TRHDE: variants seen among roughly 807,000 people sequenced by gnomAD.
TRHDE encodes the protein thyrotropin-releasing hormone-degrading ectoenzyme.
A neutral mutation model predicts 125.7 loss-of-function variants in TRHDE; 72 were observed. The ratio of observed to expected loss-of-function variants is 0.57; its 90% CI spans 0.47 to 0.70. TRHDE has a LOEUF of 0.70. Ranked by LOEUF, TRHDE falls within the 30% of genes least tolerant of loss-of-function variation. TRHDE has a pLI of 0.00. For synonymous variants in TRHDE, 509 were observed against 509.1 expected, an observed-to-expected ratio of 1.00 and a Z score of 0.00; for missense variants, 1,110 against 1,327.1, an observed-to-expected ratio of 0.84 and a Z score of 2.54.
chr12:72,125,015 A>G (rs900753361), intron 2 of TRHDE, among the ~76,000 whole-genome samples: 13 of 152,190 alleles, frequency 8.5e-5, no homozygotes, highest in Admixed American at 5.9e-4. Context: ...CCTAATATAA[A>G]TCCTCCTCAG....
intron 2 of TRHDE, among the ~76,000 whole-genome samples, chr12:72,175,167 G>C (rs1429374251): frequency 6.6e-6 from 1 of 152,162 alleles, no homozygotes; most frequent in East Asian, 1.9e-4. Context: ...CCTGGCTGCA[G>C]TTGTTGGCAA....
intron 2 of TRHDE, among the ~76,000 whole-genome samples, chr12:72,348,106 G>A (rs1029473152): frequency 6.6e-6 from 1 of 151,406 alleles, no homozygotes; most frequent in Admixed American, 6.6e-5. Context: ...ACAACATGAT[G>A]TATGTATATA....
At chr12:72,660,394 A>C (rs1339632313) in intron 18 of TRHDE, among the ~76,000 whole-genome samples, 2 of 152,046 alleles carry the variant, frequency 1.3e-5, no homozygotes, top group Non-Finnish European at 2.9e-5. Context: ...GGTGGAGCAG[A>C]GTGTTCCCTG....
intron 3 of TRHDE, among the ~76,000 whole-genome samples, chr12:72,442,478 T>A (rs1039184623): frequency 6.6e-6 from 1 of 151,872 alleles, no homozygotes; most frequent in African/African-American, 2.4e-5. Context: ...CCAAATCCAA[T>A]AAACACTTTT....
At chr12:72,457,274 A>G (rs1875901877) in intron 3 of TRHDE, among the ~76,000 whole-genome samples, 2 of 152,310 alleles carry the variant, frequency 1.3e-5, no homozygotes, top group East Asian at 3.9e-4. Context: ...GCTTCATCTT[A>G]GTGTTAAAAT....
intron 3 of TRHDE, among the ~76,000 whole-genome samples, chr12:72,384,066 A>G (rs1872309618): frequency 6.6e-6 from 1 of 152,190 alleles, no homozygotes; most frequent in South Asian, 2.1e-4. Flanking sequence ...ACATGTGAGT[A>G]TTGCAAATGT....
rs12367049 is a variant in TRHDE at position 72,450,493 on chromosome 12, G to A, written c.1316-19265G>A. 9.5e-3 allele frequency among the ~76,000 whole-genome samples: 1,452 copies of A among 152,154 alleles called. 7 individuals are homozygous for A. The highest frequency in any genetic ancestry group is 0.016 in the Non-Finnish European group (1,078 of 67,932). The stretch of plus-strand genomic sequence containing the variant: ...TATGCATACATCGTGGAATGGCTAA[G>A]TCAAGCTAATTAACACATGCTTTAC... On this transcript the variant is annotated intron_variant, in intron 3 of 18. Transcript: ENST00000261180.
At position 72,121,528 on chromosome 12, in the gene TRHDE, C is replaced by G. The variant is rs530916726; in HGVS notation, n.279+15776C>G. 1.2e-3 allele frequency among the ~76,000 whole-genome samples: 184 copies of G among 152,274 alleles called. 1 individual carries two copies. The highest frequency in any genetic ancestry group is 4.0e-3 in the African/African-American group (166 of 41,552). ...GAGTTCCAATGCAAAGTACCGCAATCACTGTGCTCTCTTTCCTCTAAGCAC... is the reference window on the plus strand; with the variant it reads ...GAGTTCCAATGCAAAGTACCGCAATGACTGTGCTCTCTTTCCTCTAAGCAC... On this transcript the variant is annotated intron_variant and non_coding_transcript_variant, in intron 2 of 4. Transcript: ENST00000548156.
At position 72,380,629 on chromosome 12, in the gene TRHDE, G is replaced by A. The variant is rs554380117; in HGVS notation, c.1315+2508G>A. 7.2e-5 allele frequency among the ~76,000 whole-genome samples: 11 copies of A among 152,292 alleles called. No individual in the cohort carries two copies. In the East Asian group the frequency reaches 1.5e-3, roughly 21 times the overall value. On this transcript the variant is annotated intron_variant, in intron 3 of 18. Coordinates refer to ENST00000261180, the MANE Select transcript of TRHDE (RefSeq NM_013381.3). ...TGACAGGAGCAGAGTGAGTAAAGGG[G>A]TGAGAAGTAGATGACACGGTCAAGG...
At chr12:72,382,128 G>T (rs1003558433) in intron 3 of TRHDE, among the ~76,000 whole-genome samples, 1 of 152,186 alleles carries the variant, frequency 6.6e-6, no homozygotes, top group African/African-American at 2.4e-5. Context: ...GATATTAAGG[G>T]AACCAGGTGT....
chr12:72,294,188 G>A (rs1880199837), intron 2 of TRHDE, among the ~76,000 whole-genome samples: 1 of 152,238 alleles, frequency 6.6e-6, no homozygotes, highest in Non-Finnish European at 1.5e-5. Context: ...TGGCAAGTAA[G>A]GGGCATGTCT....
intron 10 of TRHDE, among the ~76,000 whole-genome samples, chr12:72,574,726 GATTT>G (rs1447541434): frequency 6.6e-6 from 1 of 151,962 alleles, no homozygotes; most frequent in Non-Finnish European, 1.5e-5. Context: ...GAACAAGTAA[GATTT>G]ATTTTACTAG....
At chr12:72,251,422 CTTTT>C (rs34337273) in intron 2 of TRHDE, among the ~76,000 whole-genome samples, 2 of 130,854 alleles carry the variant, frequency 1.5e-5, no homozygotes, top group Non-Finnish European at 1.7e-5. Flanking sequence ...GGAATTGGGG[CTTTT>C]TTTTTTTTTT....
intron 12 of TRHDE, among the ~76,000 whole-genome samples, chr12:72,596,664 T>A (rs914410679): frequency 5.3e-5 from 8 of 152,208 alleles, no homozygotes; most frequent in East Asian, 1.9e-4. Flanking sequence ...AGATTTAGGA[T>A]GACCTTTGAT....
intron 15 of TRHDE, among the ~76,000 whole-genome samples, chr12:72,650,380 T>A (rs1440406647): frequency 1.3e-5 from 2 of 152,144 alleles, no homozygotes; most frequent in African/African-American, 2.4e-5. Context: ...TACTTTTTAC[T>A]GGTAACTGTC....
intron 3 of TRHDE, among the ~76,000 whole-genome samples, chr12:72,454,798 C>A (rs377301767): frequency 6.6e-6 from 1 of 152,130 alleles, no homozygotes; most frequent in South Asian, 2.1e-4. Flanking sequence ...TCAGATGATG[C>A]CAGTGCTGTT....
chr12:72,580,901 A>G (rs553091214), intron 12 of TRHDE, among the ~76,000 whole-genome samples: 39 of 152,370 alleles, frequency 2.6e-4, no homozygotes, highest in African/African-American at 9.4e-4. Context: ...CATTCTATGA[A>G]TAAAATGTTA....
chr12:72,172,750 C>A lies in TRHDE; in HGVS notation n.279+66998C>A, dbSNP rs564355539. ...CTAATAATTCCAGGATTAAAAGATG[C>A]TTCATGAGAAGTTGGTTCCAATGTT... On this transcript the variant is annotated intron_variant and non_coding_transcript_variant, in intron 2 of 4. Transcript: ENST00000548156. 2.0e-5 allele frequency among the ~76,000 whole-genome samples: 3 copies of A among 152,164 alleles called. No individual in the cohort carries two copies. In the South Asian group the frequency reaches 6.2e-4, roughly 32 times the overall value.
chr12:72,152,187 GCTCT>G (rs1876383885), intron 2 of TRHDE, among the ~76,000 whole-genome samples: 1 of 150,074 alleles, frequency 6.7e-6, no homozygotes, highest in Admixed American at 6.6e-5. Context: ...TCATGATTTG[GCTCT>G]CTGTTTGTCT....
Sources: gnomAD v4.1 joint callset for allele counts (sites outside exome capture counted in the v4.1 genomes callset) on GRCh38, gnomAD v4.1.1 for gene constraint, MANE v1.5 for transcripts, NCBI Gene and HGNC (gene_info 2026-07-23, HGNC 2026-07-21) for gene names.